PCDHA2: variants seen among roughly 807,000 people sequenced by gnomAD.
The protein encoded by PCDHA2 is protocadherin alpha-2.
A neutral mutation model predicts 66.0 loss-of-function variants in PCDHA2; 58 were observed. The observed-to-expected ratio is 0.88, with a 90% CI of 0.71 to 1.09. The LOEUF is 1.09. Ranked by LOEUF, PCDHA2 falls within the 50% of genes least tolerant of loss-of-function variation. PCDHA2 has a pLI of 0.00. For synonymous variants in PCDHA2, 634 were observed against 554.0 expected (o/e 1.14, Z -2.03); for missense variants, 1,267 against 1,242.3 (o/e 1.02, Z -0.30).
intron 1 of PCDHA2, chr5:140,812,764 A>G (rs1266568194): frequency 6.6e-6 from 1 of 152,142 alleles, no homozygotes; most frequent in Non-Finnish European, 1.5e-5. Context: ...TGCCCAGCTT[A>G]ATATTCCTTC....
intron 1 of PCDHA2, chr5:140,969,111 G>A (rs1554231464): frequency 4.3e-6 from 7 of 1,614,116 alleles, no homozygotes; most frequent in Non-Finnish European, 5.9e-6. Flanking sequence ...ATTGAAGTTC[G>A]AGGGAATGGC....
intron 2 of PCDHA2, among the ~76,000 whole-genome samples, chr5:140,981,379 G>C (rs1387904235): frequency 6.6e-6 from 1 of 152,152 alleles, no homozygotes; most frequent in Non-Finnish European, 1.5e-5. Context: ...TTCAAGACCA[G>C]CCTGGTCAAT....
intron 1 of PCDHA2, among the ~76,000 whole-genome samples, chr5:140,799,255 G>C (rs1404751108): frequency 3.3e-5 from 5 of 151,962 alleles, no homozygotes; most frequent in African/African-American, 1.2e-4. Context: ...AATCAGTATG[G>C]AGTCTACTCT....
intron 1 of PCDHA2, among the ~76,000 whole-genome samples, chr5:140,937,334 G>T (rs1459343291): frequency 3.3e-5 from 5 of 152,092 alleles, no homozygotes; most frequent in African/African-American, 1.2e-4. Flanking sequence ...ACCGCGCCCG[G>T]CTTCTTCCAT....
intron 1 of PCDHA2, chr5:140,808,058 T>A: frequency 3.7e-6 from 6 of 1,613,892 alleles, no homozygotes; most frequent in Non-Finnish European, 5.1e-6. Flanking sequence ...AAATGTGAAA[T>A]CCAAGTTTCA....
intron 1 of PCDHA2, among the ~76,000 whole-genome samples, chr5:140,827,565 CTA>C (rs1769331404): frequency 6.6e-6 from 1 of 152,156 alleles, no homozygotes; most frequent in Non-Finnish European, 1.5e-5. Context: ...CCCTAGAGCA[CTA>C]TATAATAGCA....
chr5:140,805,656 C>T, intron 1 of PCDHA2: 1 of 845,064 alleles, frequency 1.2e-6, no homozygotes, highest in Non-Finnish European at 1.4e-6. Flanking sequence ...AGTCTTCATT[C>T]CCCATTAATA....
Position 140,823,261 on chromosome 5 carries a change from C to T in PCDHA2, c.2388+25909C>T, listed in dbSNP as rs2150124032. ...CCTGGTGTCCTACTCGCTGGTGGAG[C>T]GGCGGGTGGGCGAGCGCCCGCTGTC... On this transcript the variant is annotated intron_variant, in intron 1 of 3. Transcript: ENST00000526136. The T allele has an allele frequency of 3.7e-6, 6 of 1,612,910 alleles. No homozygotes were observed. In the East Asian group the frequency reaches 1.1e-4, roughly 30 times the overall value.
intron 1 of PCDHA2, chr5:140,822,960 G>A (rs1268599486): frequency 9.3e-6 from 15 of 1,614,106 alleles, no homozygotes; most frequent in Non-Finnish European, 1.1e-5. Flanking sequence ...TTCCCTTCAA[G>A]CTGGTGTCCA....
At chr5:141,004,497 T>C (rs2098168493) in intron 3 of PCDHA2, among the ~76,000 whole-genome samples, 1 of 152,218 alleles carries the variant, frequency 6.6e-6, no homozygotes, top group South Asian at 2.1e-4. Context: ...TTGGCAGTCC[T>C]GCTGTGAGGG....
At chr5:140,974,637 G>A (rs1054796505) in intron 1 of PCDHA2, among the ~76,000 whole-genome samples, 7 of 151,898 alleles carry the variant, frequency 4.6e-5, no homozygotes, top group South Asian at 2.1e-4. Context: ...TCAACCTCCC[G>A]AGTAGCTGAG....
intron 1 of PCDHA2, chr5:140,841,999 T>G: frequency 6.2e-7 from 1 of 1,613,818 alleles, no homozygotes; most frequent in Non-Finnish European, 8.5e-7. Flanking sequence ...CAGGCACTGT[T>G]CAGCTGCTGG....
chr5:140,843,352 A>G (rs2150358043), intron 1 of PCDHA2: 1 of 1,596,016 alleles, frequency 6.3e-7, no homozygotes. Flanking sequence ...AGGCTCCAAA[A>G]GCGTCATCGA....
intron 1 of PCDHA2, among the ~76,000 whole-genome samples, chr5:140,955,355 G>A (rs1406631698): frequency 1.3e-5 from 2 of 152,086 alleles, no homozygotes; most frequent in African/African-American, 4.8e-5. Flanking sequence ...GTTGTGAGAG[G>A]GACCCAGTGG....
At chr5:140,802,022 G>A in intron 1 of PCDHA2, 1 of 1,614,190 alleles carries the variant, frequency 6.2e-7, no homozygotes, top group Non-Finnish European at 8.5e-7. Context: ...GAGTAAATAA[G>A]GATATCGCGT....
chr5:140,833,882 G>A (rs1377980583), intron 1 of PCDHA2, among the ~76,000 whole-genome samples: 2 of 151,998 alleles, frequency 1.3e-5, no homozygotes, highest in Non-Finnish European at 2.9e-5. Flanking sequence ...AAGTTTCCTG[G>A]GATCTAGATC....
chr5:140,875,947 G>C (rs1554168112), intron 1 of PCDHA2: 1 of 1,614,184 alleles, frequency 6.2e-7, no homozygotes, highest in Admixed American at 1.7e-5. Flanking sequence ...GGGCGCTTCT[G>C]ATGCGGATAT....
At chr5:140,802,975 A>C (rs782276594) in intron 1 of PCDHA2, 1 of 1,614,018 alleles carries the variant, frequency 6.2e-7, no homozygotes, top group East Asian at 2.2e-5. Flanking sequence ...GTGGTAGCGA[A>C]GGTGCGCGCA....
At chr5:140,955,438 A>C (rs975663366) in intron 1 of PCDHA2, among the ~76,000 whole-genome samples, 2 of 151,994 alleles carry the variant, frequency 1.3e-5, no homozygotes, top group African/African-American at 4.8e-5. Context: ...ATTAGGTCTG[A>C]TGGTTTTATA....
Sources: allele counts gnomAD v4.1 joint callset (sites outside exome capture counted in the v4.1 genomes callset), GRCh38; gene constraint gnomAD v4.1.1; transcripts MANE v1.5; gene names NCBI Gene and HGNC (gene_info 2026-07-23, HGNC 2026-07-21).